Variants in ZNF385D observed in about 807,000 individuals in gnomAD.
The protein encoded by ZNF385D is zinc finger protein 385D, also known as zinc finger protein 659.
ZNF385D carries 15 observed loss-of-function variants against 35.8 expected under a neutral mutation model. The ratio of observed to expected loss-of-function variants is 0.42; its 90% CI spans 0.28 to 0.64. The LOEUF (loss-of-function observed/expected upper bound fraction) is 0.64, where lower values mean the gene tolerates loss of function less well. Ranked by LOEUF, ZNF385D falls within the 30% of genes least tolerant of loss-of-function variation. The pLI is 0.23. For missense variants in ZNF385D, 474 were observed against 494.6 expected (o/e 0.96, Z 0.39); for synonymous variants, 212 against 186.8 (o/e 1.13, Z -1.10).
chr3:21,976,278 G>GA (rs1703618902), intron 3 of ZNF385D, among the ~76,000 whole-genome samples: 3 of 151,846 alleles, frequency 2.0e-5, no homozygotes, highest in Admixed American at 2.0e-4. Flanking sequence ...AGGACCAGAA[G>GA]AAAAAATAGA....
At chr3:21,919,948 A>C (rs1700372012) in intron 3 of ZNF385D, among the ~76,000 whole-genome samples, 1 of 152,208 alleles carries the variant, frequency 6.6e-6, no homozygotes, top group African/African-American at 2.4e-5. Flanking sequence ...TCCCTCTATA[A>C]GCATTTTCTA....
intron 3 of ZNF385D, among the ~76,000 whole-genome samples, chr3:22,063,615 G>C (rs1452169348): frequency 6.6e-6 from 1 of 152,136 alleles, no homozygotes; most frequent in African/African-American, 2.4e-5. Context: ...TATTTGTAGA[G>C]GATGCTGTGC....
chr3:22,040,350 C>T (rs1479998), intron 3 of ZNF385D, among the ~76,000 whole-genome samples: 3,403 of 152,096 alleles, frequency 0.022, 116 homozygotes, highest in African/African-American at 0.075. Flanking sequence ...TTGGTTATTA[C>T]GTCATTTTAT....
chr3:22,324,238 T>C (rs902006209), intron 2 of ZNF385D, among the ~76,000 whole-genome samples: 1 of 152,174 alleles, frequency 6.6e-6, no homozygotes, highest in Non-Finnish European at 1.5e-5. Context: ...TTCAGCACAT[T>C]ATAATATTGA....
intron 3 of ZNF385D, among the ~76,000 whole-genome samples, chr3:21,898,934 C>A (rs9824844): frequency 6.6e-6 from 1 of 152,116 alleles, no homozygotes; most frequent in Non-Finnish European, 1.5e-5. Flanking sequence ...CTTCTCCTCA[C>A]GTCTCATTGG....
chr3:21,511,768 TAGAG>T (rs1559361833), intron 3 of ZNF385D: 1 of 456,390 alleles, frequency 2.2e-6, no homozygotes. Flanking sequence ...CTGAGATATA[TAGAG>T]AGAGAGTTTA....
At chr3:21,544,742 G>T (rs1029637537) in intron 3 of ZNF385D, among the ~76,000 whole-genome samples, 1 of 152,150 alleles carries the variant, frequency 6.6e-6, no homozygotes, top group Non-Finnish European at 1.5e-5. Context: ...TAAAATTTCT[G>T]AGTCATCATT....
intron 2 of ZNF385D, among the ~76,000 whole-genome samples, chr3:22,272,806 A>G (rs1330768539): frequency 1.3e-5 from 2 of 151,994 alleles, no homozygotes; most frequent in African/African-American, 4.8e-5. Context: ...TATCTTACAT[A>G]TCTGTATCTT....
At chr3:21,485,702 G>A (rs1189274261) in intron 4 of ZNF385D, among the ~76,000 whole-genome samples, 1 of 151,904 alleles carries the variant, frequency 6.6e-6, no homozygotes, top group Non-Finnish European at 1.5e-5. Context: ...AATAGTAACA[G>A]TAACTTTCTA....
intron 4 of ZNF385D, among the ~76,000 whole-genome samples, chr3:21,478,341 T>A (rs1338285782): frequency 6.6e-6 from 1 of 152,144 alleles, no homozygotes; most frequent in Non-Finnish European, 1.5e-5. Flanking sequence ...TATATGCCTG[T>A]GTGCAACTGA....
intron 3 of ZNF385D, among the ~76,000 whole-genome samples, chr3:21,810,322 A>T (rs1368712242): frequency 1.3e-5 from 2 of 151,996 alleles, no homozygotes; most frequent in South Asian, 2.1e-4. Flanking sequence ...GATAAAAAGA[A>T]AGATATCACC....
intron 2 of ZNF385D, among the ~76,000 whole-genome samples, chr3:22,288,998 G>A (rs1366529061): frequency 6.6e-6 from 1 of 152,076 alleles, no homozygotes; most frequent in African/African-American, 2.4e-5. Context: ...CTCAGAATGG[G>A]TAAGCTAGAA....
intron 3 of ZNF385D, among the ~76,000 whole-genome samples, chr3:21,888,149 G>A (rs190713461): frequency 2.1e-4 from 32 of 151,752 alleles, no homozygotes; most frequent in African/African-American, 7.0e-4. Context: ...CAATTGCTTG[G>A]TTGCAAAATT....
At chr3:21,878,513 A>C (rs1299869630) in intron 3 of ZNF385D, among the ~76,000 whole-genome samples, 1 of 138,816 alleles carries the variant, frequency 7.2e-6, no homozygotes, top group Non-Finnish European at 1.6e-5. Context: ...TTGTGTTTTC[A>C]CTCACTAATA....
intron 3 of ZNF385D, among the ~76,000 whole-genome samples, chr3:21,927,920 G>C (rs1252497077): frequency 6.6e-6 from 1 of 152,116 alleles, no homozygotes; most frequent in Non-Finnish European, 1.5e-5. Flanking sequence ...TCAGTAAGGA[G>C]ATAGAATACT....
At chr3:21,473,311 G>A (rs1902755) in intron 4 of ZNF385D, among the ~76,000 whole-genome samples, 141,976 of 151,782 alleles carry the variant, frequency 0.94, 66,513 homozygotes, top group African/African-American at 0.98. Flanking sequence ...TAAAAACTCT[G>A]TTTCCCAAAT....
intron 2 of ZNF385D, among the ~76,000 whole-genome samples, chr3:22,318,393 G>C (rs1365304249): frequency 6.6e-6 from 1 of 152,116 alleles, no homozygotes; most frequent in Non-Finnish European, 1.5e-5. Flanking sequence ...AACCTTGATC[G>C]ATCAATAAAG....
intron 1 of ZNF385D, among the ~76,000 whole-genome samples, chr3:21,747,080 A>G (rs1254081931): frequency 1.4e-5 from 2 of 145,540 alleles, no homozygotes; most frequent in Non-Finnish European, 3.0e-5. Flanking sequence ...AAGCTTCCTC[A>G]GTGAGGTTTT....
chr3:22,286,430 C>G (rs757982817), intron 2 of ZNF385D, among the ~76,000 whole-genome samples: 8 of 151,830 alleles, frequency 5.3e-5, no homozygotes, highest in Non-Finnish European at 1.2e-4. Flanking sequence ...TAGTTTCTTC[C>G]TTCTGCTAAC....
Sources: gnomAD v4.1 joint callset for allele counts (sites outside exome capture counted in the v4.1 genomes callset) on GRCh38, gnomAD v4.1.1 for gene constraint, MANE v1.5 for transcripts, NCBI Gene and HGNC (gene_info 2026-07-23, HGNC 2026-07-21) for gene names.